Variants in GK observed in about 807,000 individuals in gnomAD.
The protein encoded by GK is glycerol kinase, also known as ATP:glycerol 3-phosphotransferase.
Under a neutral mutation model 56.4 loss-of-function variants are expected in GK, and 9 were observed. That is an observed-to-expected ratio of 0.16 (90% CI 0.10 to 0.28). GK has a LOEUF of 0.28. Among genes scored for constraint, GK ranks in the 10% least tolerant of loss-of-function variants. GK has a pLI of 1.00. For synonymous variants in GK, 104 were observed against 144.1 expected (o/e 0.72, Z 1.99); for missense variants, 161 against 431.4 (o/e 0.37, Z 5.55).
chrX:30,716,520 A>G (rs1274743412), intron 13 of GK, among the ~76,000 whole-genome samples: 1 of 112,120 alleles, frequency 8.9e-6, no homozygotes, highest in African/African-American at 3.2e-5. Flanking sequence ...GTTAAATAAA[A>G]TATTAATTTT....
At chrX:30,682,753 T>C (rs1435608850) in intron 4 of GK, among the ~76,000 whole-genome samples, 1 of 111,962 alleles carries the variant, frequency 8.9e-6, no homozygotes, top group East Asian at 2.8e-4. Flanking sequence ...TTAACAAAAA[T>C]ATCATAGACT....
intron 4 of GK, among the ~76,000 whole-genome samples, chrX:30,687,032 T>C (rs1601905667): frequency 9.0e-6 from 1 of 111,310 alleles, no homozygotes; most frequent in African/African-American, 3.3e-5. Context: ...CTCCCAGCTA[T>C]CTTACCAGGA....
chrX:30,674,216 G>A, intron 3 of GK: 1 of 322,242 alleles, frequency 3.1e-6, no homozygotes, highest in South Asian at 2.7e-5. Flanking sequence ...AGGAAGCACA[G>A]GAATTGGAAT....
intron 19 of GK, among the ~76,000 whole-genome samples, chrX:30,724,884 C>CTT (rs1316640340): frequency 9.7e-6 from 1 of 102,984 alleles, no homozygotes. Flanking sequence ...GAAGCATATA[C>CTT]TTTTTTTTTT....
In GK at chrX:30,683,192, A is replaced by G. The variant is rs138233744; in HGVS notation, c.337+5740A>G. 6.5e-3 allele frequency among the ~76,000 whole-genome samples: 723 copies of G among 111,022 alleles called. 7 individuals carry two copies. The highest frequency in any genetic ancestry group is 0.022 in the African/African-American group (686 of 30,552). ...CTTACTAAATTATACAACAGATGAT[A>G]TATGCATATATATATACAGCTGTAT... On this transcript the variant is annotated intron_variant, in intron 4 of 20. Coordinates refer to ENST00000427190, the MANE Select transcript of GK (RefSeq NM_001205019.2).
rs777687354 is a variant in GK at position 30,691,432 on chromosome X, C to T, written c.414+233C>T. 1.4e-4 allele frequency among the ~76,000 whole-genome samples: 15 copies of T among 106,389 alleles called. No individual in the cohort carries two copies. In the East Asian group the frequency reaches 3.5e-3, roughly 25 times the overall value. The allele number at this position is 106,389 out of a possible 115,157, so 92.4% of individuals were successfully genotyped here. On this transcript the variant is annotated intron_variant, in intron 5 of 20. Coordinates refer to ENST00000427190, the MANE Select transcript of GK (RefSeq NM_001205019.2). ...TGACAGGCTGGAAGAGATTATAATG[C>T]GTCCCAGTGGCTTAAGTCACACTTC...
chrX:30,699,499 G>T (rs1935525707), intron 9 of GK, among the ~76,000 whole-genome samples: 1 of 105,639 alleles, frequency 9.5e-6, no homozygotes, highest in Non-Finnish European at 1.9e-5. Context: ...TGAGTAGCTG[G>T]GATTACAGGT....
At chrX:30,671,619 T>A (rs1390387059) in intron 3 of GK, 1 of 112,366 alleles carries the variant, frequency 8.9e-6, no homozygotes, top group Non-Finnish European at 1.9e-5. Flanking sequence ...TTGGCAAATT[T>A]CAATTTCATT....
intron 11 of GK, among the ~76,000 whole-genome samples, chrX:30,706,238 T>G (rs890557869): frequency 8.9e-6 from 1 of 112,304 alleles, no homozygotes; most frequent in Non-Finnish European, 1.9e-5. Context: ...CCTAGGCTAA[T>G]CCTTATGGTA....
At chrX:30,713,895 G>A (rs150685104) in intron 13 of GK, among the ~76,000 whole-genome samples, 11 of 111,995 alleles carry the variant, frequency 9.8e-5, no homozygotes, top group Non-Finnish European at 1.7e-4. Context: ...TCCATGTTCC[G>A]TGTTTTGTCA....
intron 3 of GK, among the ~76,000 whole-genome samples, chrX:30,674,067 G>A (rs1258067008): frequency 1.8e-5 from 2 of 111,791 alleles, no homozygotes; most frequent in Non-Finnish European, 3.8e-5. Context: ...GCAGCAGTAG[G>A]TAACATTTAT....
chrX:30,677,648 A>T (rs766918893), intron 4 of GK, among the ~76,000 whole-genome samples, 196 bp downstream of exon 4: 65 of 110,456 alleles, frequency 5.9e-4, no homozygotes, highest in African/African-American at 2.1e-3. Flanking sequence ...AACATGGTGA[A>T]ACCCCATCTC....
chrX:30,686,236 A>G (rs1423153872), intron 4 of GK, among the ~76,000 whole-genome samples: 1 of 112,950 alleles, frequency 8.9e-6, no homozygotes, highest in East Asian at 2.8e-4. Flanking sequence ...GCAGCCATCA[A>G]TATAGTCTCT....
At position 30,653,504 on chromosome X, in the gene GK, G is replaced by C. The variant is rs1418080652; in HGVS notation, c.-34G>C. On this transcript the variant is annotated 5_prime_UTR_variant, in exon 1 of 21. Transcript: ENST00000427190. ...TCCCGCCGCCGTCACCCAGGAAACC[G>C]GCCGCAATCGCCGGCCGACCTGAAG... The C allele has an allele frequency of 4.2e-6, 5 of 1,184,744 alleles. No individual in the cohort carries two copies. Among genetic ancestry groups the C allele is most frequent in the Non-Finnish European group, 5.7e-6 (5 of 871,764 alleles).
intron 11 of GK, among the ~76,000 whole-genome samples, chrX:30,701,463 T>C (rs190278558): frequency 3.6e-3 from 400 of 112,131 alleles, no homozygotes; most frequent in African/African-American, 0.013. Context: ...ACCTTTTATA[T>C]CCTAAAAACT....
chrX:30,672,152 T>A (rs1484240863), intron 3 of GK: 5 of 24,386 alleles, frequency 2.1e-4, no homozygotes, highest in East Asian at 3.0e-3. Context: ...AGAGCAAAAC[T>A]CCATCTCAAA....
At chrX:30,710,931 C>T (rs1326075307) in intron 13 of GK, among the ~76,000 whole-genome samples, 1 of 111,500 alleles carries the variant, frequency 9.0e-6, no homozygotes, top group Non-Finnish European at 1.9e-5. Flanking sequence ...CTACCGCCTC[C>T]ATCACCAATT....
chrX:30,727,914 A>G (rs1937211512), intron 20 of GK, among the ~76,000 whole-genome samples: 1 of 111,981 alleles, frequency 8.9e-6, no homozygotes, highest in Non-Finnish European at 1.9e-5. Flanking sequence ...TCAAATGTAT[A>G]TAAATTATTT....
At chrX:30,702,104 G>A (rs1223802698) in intron 11 of GK, among the ~76,000 whole-genome samples, 1 of 108,703 alleles carries the variant, frequency 9.2e-6, no homozygotes, top group Non-Finnish European at 1.9e-5. Flanking sequence ...GTGCAATGGC[G>A]CGATCTCGGC....
Sources: gnomAD v4.1 joint callset for allele counts (sites outside exome capture counted in the v4.1 genomes callset) on GRCh38, gnomAD v4.1.1 for gene constraint, MANE v1.5 for transcripts, NCBI Gene and HGNC (gene_info 2026-07-23, HGNC 2026-07-21) for gene names.